The following TMEM45B variants were observed in gnomAD, a reference collection of about 807,000 sequenced individuals.
TMEM45B encodes transmembrane protein 45B.
In TMEM45B, 29 loss-of-function variants were observed where a neutral mutation model predicts 27.3. The ratio of observed to expected loss-of-function variants is 1.06; its 90% confidence interval spans 0.79 to 1.45. TMEM45B has a LOEUF of 1.45. TMEM45B is among the 40% of genes most tolerant of loss of function. The probability of loss-of-function intolerance (pLI) is 0.00; values close to 1 mark genes in which losing one functional copy is unlikely to be tolerated. For missense variants in TMEM45B, 348 were observed against 343.9 expected (o/e 1.01, Z -0.09); for synonymous variants, 143 against 134.7 (o/e 1.06, Z -0.43).
intron 1 of TMEM45B, among the ~76,000 whole-genome samples, chr11:129,849,080 C>T (rs1435004087): frequency 2.0e-5 from 3 of 152,192 alleles, no homozygotes; most frequent in African/African-American, 7.2e-5. Flanking sequence ...TACATTCATT[C>T]CACCACAATT....
chr11:129,851,033 G>A (rs2135597001), intron 1 of TMEM45B, among the ~76,000 whole-genome samples: 1 of 152,340 alleles, frequency 6.6e-6, no homozygotes, highest in South Asian at 2.1e-4. Context: ...TACGCAGACT[G>A]GGTAATTTAT....
chr11:129,854,281 C>T (rs961732498), intron 2 of TMEM45B, among the ~76,000 whole-genome samples: 6 of 152,248 alleles, frequency 3.9e-5, no homozygotes, highest in African/African-American at 1.4e-4. Flanking sequence ...CACACTCCGA[C>T]TTAAGTGATG....
intron 1 of TMEM45B, among the ~76,000 whole-genome samples, chr11:129,831,703 C>T (rs1040310500): frequency 3.9e-5 from 6 of 152,168 alleles, no homozygotes; most frequent in Non-Finnish European, 7.3e-5. Flanking sequence ...ACAATTCAAA[C>T]GTCCATCTAC....
At chr11:129,827,199 T>C (rs550507811) in intron 1 of TMEM45B, 1 of 152,378 alleles carries the variant, frequency 6.6e-6, no homozygotes, top group South Asian at 2.1e-4. Flanking sequence ...AGTATTGTCA[T>C]GTGGTGCTTA....
intron 1 of TMEM45B, among the ~76,000 whole-genome samples, chr11:129,816,620 A>AG (rs1329302643): frequency 4.0e-5 from 6 of 151,840 alleles, no homozygotes; most frequent in Admixed American, 1.3e-4. Flanking sequence ...CCAGCCCTAG[A>AG]GGGAAGAAAG....
At chr11:129,843,660 A>G (rs1268858130) in intron 1 of TMEM45B, among the ~76,000 whole-genome samples, 1 of 152,198 alleles carries the variant, frequency 6.6e-6, no homozygotes, top group African/African-American at 2.4e-5. Flanking sequence ...TAAAGAAGAC[A>G]TACAATGGCC....
At chr11:129,858,490 AAGAATCAGT>A in intron 5 of TMEM45B, 75 bp from the exon 6 acceptor site, 1 of 865,668 alleles carries the variant, frequency 1.2e-6, no homozygotes. Flanking sequence ...AAAATAGTTT[AAGAATCAGT>A]AGATGCCTTC....
At chr11:129,850,061 A>G (rs1947823885) in intron 1 of TMEM45B, among the ~76,000 whole-genome samples, 1 of 151,506 alleles carries the variant, frequency 6.6e-6, no homozygotes, top group Non-Finnish European at 1.5e-5. Flanking sequence ...TCTCTTTTTC[A>G]TGGCTAGGCT....
chr11:129,839,746 G>C (rs922782994), intron 1 of TMEM45B, among the ~76,000 whole-genome samples: 1 of 152,116 alleles, frequency 6.6e-6, no homozygotes, highest in Non-Finnish European at 1.5e-5. Context: ...TGTTGCCCAG[G>C]CTGATCTTGA....
At chr11:129,821,672 C>T (rs1947421575) in intron 1 of TMEM45B, among the ~76,000 whole-genome samples, 1 of 152,136 alleles carries the variant, frequency 6.6e-6, no homozygotes, top group South Asian at 2.1e-4. Flanking sequence ...AATCATTTCC[C>T]GTACGAATTT....
intron 1 of TMEM45B, among the ~76,000 whole-genome samples, chr11:129,847,965 C>CG (rs1947787746): frequency 6.6e-6 from 1 of 152,060 alleles, no homozygotes; most frequent in South Asian, 2.1e-4. Flanking sequence ...TAGGGGCGGC[C>CG]GGGCAGAGAC....
intron 5 of TMEM45B, among the ~76,000 whole-genome samples, chr11:129,857,826 C>T (rs1456120802): frequency 6.6e-6 from 1 of 152,066 alleles, no homozygotes; most frequent in African/African-American, 2.4e-5. Context: ...CCCTGCTTCC[C>T]AGAAATGATG....
chr11:129,820,321 A>AT (rs1389294709), intron 1 of TMEM45B, among the ~76,000 whole-genome samples: 1 of 151,864 alleles, frequency 6.6e-6, no homozygotes, highest in Non-Finnish European at 1.5e-5. Flanking sequence ...CATCTCAAAA[A>AT]AATAATAATA....
rs869217352 is a variant in TMEM45B, at chr11:129,816,732, C to CTTTTTTT, written c.-9+851_-9+857dup. On this transcript the variant is annotated intron_variant, in intron 1 of 5. Coordinates refer to ENST00000281441, the MANE Select transcript of TMEM45B (RefSeq NM_138788.5). ...CTAAAAGTTGCAGAAATGGCCACTTCTTTTTTTTTTTTTTTTTTTTTTTGA... is the reference window on the plus strand; with the variant it reads ...CTAAAAGTTGCAGAAATGGCCACTTCTTTTTTTTTTTTTTTTTTTTTTTTTTTTTTGA... Among the ~76,000 whole-genome samples, 97 of 79,756 alleles carry CTTTTTTT rather than the reference C, an allele frequency of 1.2e-3. 6 individuals carry two copies. Among genetic ancestry groups the CTTTTTTT allele is most frequent in the Non-Finnish European group, 1.4e-3 (62 of 44,810 alleles). The allele number at this position is 79,756 out of a possible 152,430, so 52.3% of individuals were successfully genotyped here.
At chr11:129,837,983 T>C (rs1486589281) in intron 1 of TMEM45B, among the ~76,000 whole-genome samples, 2 of 151,970 alleles carry the variant, frequency 1.3e-5, no homozygotes, top group African/African-American at 4.8e-5. Flanking sequence ...GATTTCACCA[T>C]GTTGGCCAGC....
chr11:129,845,463 G>A (rs1462399270), intron 1 of TMEM45B, among the ~76,000 whole-genome samples: 1 of 151,856 alleles, frequency 6.6e-6, no homozygotes, highest in Non-Finnish European at 1.5e-5. Flanking sequence ...AATAGACCAT[G>A]GTAACTTCAA....
chr11:129,833,093 T>C (rs1321229509), intron 1 of TMEM45B, among the ~76,000 whole-genome samples: 1 of 151,044 alleles, frequency 6.6e-6, no homozygotes, highest in East Asian at 2.0e-4. Context: ...AATGCAAAAA[T>C]TACCCGGTTG....
At chr11:129,841,326 CT>C (rs1947689738) in intron 1 of TMEM45B, among the ~76,000 whole-genome samples, 1 of 152,162 alleles carries the variant, frequency 6.6e-6, no homozygotes. Flanking sequence ...GCTTCGCTAG[CT>C]TGAGGTTGCA....
intron 1 of TMEM45B, among the ~76,000 whole-genome samples, chr11:129,821,888 C>T (rs1313660049): frequency 6.6e-6 from 1 of 151,908 alleles, no homozygotes; most frequent in Non-Finnish European, 1.5e-5. Context: ...AGGGAGGTAT[C>T]CGTCACTGTC....
Sources: allele counts gnomAD v4.1 joint callset (sites outside exome capture counted in the v4.1 genomes callset), GRCh38; gene constraint gnomAD v4.1.1; transcripts MANE v1.5; gene names NCBI Gene and HGNC (gene_info 2026-07-23, HGNC 2026-07-21).